CDC14B: variants seen among roughly 807,000 people sequenced by gnomAD.
CDC14B encodes the protein dual specificity protein phosphatase CDC14B.
Under a neutral mutation model 64.2 loss-of-function variants are expected in CDC14B, and 22 were observed. That is an observed-to-expected ratio of 0.34 (90% CI 0.24 to 0.49). The LOEUF is 0.49. Among genes scored for constraint, CDC14B ranks in the 20% least tolerant of loss-of-function variants. CDC14B has a pLI of 0.99. For missense variants in CDC14B, 498 were observed against 629.9 expected (o/e 0.79, Z 2.24); for synonymous variants, 191 against 215.8 (o/e 0.89, Z 1.01).
intron 3 of CDC14B, among the ~76,000 whole-genome samples, chr9:96,564,330 T>A (rs573935547): frequency 4.6e-5 from 7 of 152,200 alleles, no homozygotes; most frequent in African/African-American, 1.7e-4. Context: ...GATCATGTAG[T>A]ACAGTATCAT....
chr9:96,596,077 A>G (rs1020381218), intron 1 of CDC14B, among the ~76,000 whole-genome samples: 5 of 152,114 alleles, frequency 3.3e-5, no homozygotes, highest in Middle Eastern at 3.2e-3. Flanking sequence ...AAAGAAAAGA[A>G]AAAAGGCTGG....
At position 96,619,481 on chromosome 9, in the gene CDC14B, C is replaced by A. The variant is rs1036702016; in HGVS notation, c.-103G>T. 4 of 550,880 alleles carry A rather than the reference C, an allele frequency of 7.3e-6. No individual in the cohort carries two copies. The highest frequency in any genetic ancestry group is 9.2e-6 in the Non-Finnish European group (4 of 436,248). 34.1% of individuals were successfully genotyped at this position (550,880 alleles called of 1,614,324 possible). A position where few individuals can be genotyped will look rare whatever the true frequency, so the allele number is the denominator to read the frequency against. ...CCGCGCGGGCGCTCGGGGCGGCGGG[C>A]GCAGAGCGGCGCTGCGGGGACGGCG... is the stretch of plus-strand genomic sequence containing the variant. On this transcript the variant is annotated 5_prime_UTR_variant, in exon 1 of 14. Transcript: ENST00000375241.
At position 96,607,534 on chromosome 9, in the gene CDC14B, C is replaced by A. The variant is rs1847046839; in HGVS notation, c.160+11685G>T. On this transcript the variant is annotated intron_variant, in intron 1 of 13. Coordinates refer to ENST00000375241, the MANE Select transcript of CDC14B (RefSeq NM_033331.4). The stretch of plus-strand genomic sequence containing the variant: ...TTCCAGGGTTCACGCCATTCTCCTG[C>A]CTCAGCCGCCTGAGTAGCTGGGACT... Among the ~76,000 whole-genome samples the A allele has an allele frequency of 3.3e-5, 5 of 151,516 alleles. No homozygotes were observed. The South Asian group carries it at 6.3e-4, about 19-fold the overall frequency.
chr9:96,544,110 G>C (rs922129416), intron 5 of CDC14B, among the ~76,000 whole-genome samples: 1 of 152,010 alleles, frequency 6.6e-6, no homozygotes, highest in African/African-American at 2.4e-5. Context: ...CCAGCTACCC[G>C]GGAGGCTGAG....
Position 96,589,743 on chromosome 9 carries a change from G to A in CDC14B, c.161-24260C>T, listed in dbSNP as rs886101580. On this transcript the variant is annotated intron_variant, in intron 1 of 13. Transcript: ENST00000375241. ...GGAGACCCAGGCAGGTGGATCATGAGGTCAGGAGATCGAGACCATCCTGGT... is the reference window on the plus strand; with the variant it reads ...GGAGACCCAGGCAGGTGGATCATGAAGTCAGGAGATCGAGACCATCCTGGT... Among the ~76,000 whole-genome samples the A allele has an allele frequency of 3.9e-5, 6 of 152,110 alleles. No homozygotes were observed. In the East Asian group the frequency reaches 1.2e-3, roughly 29 times the overall value.
chr9:96,598,082 G>A (rs972794767), intron 1 of CDC14B, among the ~76,000 whole-genome samples: 2 of 152,014 alleles, frequency 1.3e-5, no homozygotes, highest in Non-Finnish European at 2.9e-5. Flanking sequence ...AAAGGTAAAC[G>A]ACAAAAAGAA....
chr9:96,558,151 G>A (rs901432777), intron 4 of CDC14B, among the ~76,000 whole-genome samples: 1 of 152,186 alleles, frequency 6.6e-6, no homozygotes. Context: ...GGCTGGGAAG[G>A]GCGTGTGTGG....
At chr9:96,507,166 T>C (rs148853349) in intron 13 of CDC14B, among the ~76,000 whole-genome samples, 88 of 152,130 alleles carry the variant, frequency 5.8e-4, no homozygotes, top group African/African-American at 2.1e-3. Context: ...TGGTGGCACA[T>C]GCCACCCACA....
chr9:96,592,797 T>G (rs1232670032), intron 1 of CDC14B, among the ~76,000 whole-genome samples: 2 of 151,976 alleles, frequency 1.3e-5, no homozygotes, highest in Non-Finnish European at 2.9e-5. Context: ...AAAAAACAGG[T>G]TGCTAAACAA....
chr9:96,513,066 G>A (rs1304883578), intron 12 of CDC14B, among the ~76,000 whole-genome samples: 1 of 152,084 alleles, frequency 6.6e-6, no homozygotes, highest in Non-Finnish European at 1.5e-5. Flanking sequence ...AAATCCTGTA[G>A]TCATTCTCAG....
At chr9:96,570,986 C>A (rs1844431301) in intron 1 of CDC14B, among the ~76,000 whole-genome samples, 1 of 151,994 alleles carries the variant, frequency 6.6e-6, no homozygotes, top group Non-Finnish European at 1.5e-5. Context: ...ACAATCTGGA[C>A]CCAGAGATAT....
At chr9:96,569,956 T>G (rs919847708) in intron 1 of CDC14B, among the ~76,000 whole-genome samples, 6 of 152,224 alleles carry the variant, frequency 3.9e-5, no homozygotes, top group African/African-American at 1.4e-4. Context: ...TAAAAATCCA[T>G]GTATCCCCCC....
chr9:96,580,449 T>A (rs72603676), intron 1 of CDC14B, among the ~76,000 whole-genome samples: 4 of 152,142 alleles, frequency 2.6e-5, no homozygotes, highest in African/African-American at 9.6e-5. Flanking sequence ...CAGGCTTGTC[T>A]TGAATTCCCC....
At chr9:96,588,771 G>A (rs1183426101) in intron 1 of CDC14B, among the ~76,000 whole-genome samples, 1 of 152,104 alleles carries the variant, frequency 6.6e-6, no homozygotes, top group Non-Finnish European at 1.5e-5. Flanking sequence ...ATTGCACCCA[G>A]CCAAATTTGT....
At chr9:96,618,779 C>A in intron 1 of CDC14B, 1 of 352,682 alleles carries the variant, frequency 2.8e-6, no homozygotes. Context: ...CCGTGCCAGG[C>A]GCGTTCAGCG....
chr9:96,541,419 GTGAC>G (rs1840049359), intron 6 of CDC14B, among the ~76,000 whole-genome samples: 1 of 152,236 alleles, frequency 6.6e-6, no homozygotes, highest in South Asian at 2.1e-4. Context: ...GTGTTTGACA[GTGAC>G]TGTGTTACGT....
chr9:96,540,279 A>G (rs1839863439), intron 6 of CDC14B, among the ~76,000 whole-genome samples: 1 of 152,238 alleles, frequency 6.6e-6, no homozygotes, highest in Non-Finnish European at 1.5e-5. Context: ...AATATTCAAA[A>G]TCAGTCACAA....
intron 5 of CDC14B, among the ~76,000 whole-genome samples, chr9:96,549,201 T>TG (rs1841434742): frequency 6.6e-6 from 1 of 151,930 alleles, no homozygotes; most frequent in Non-Finnish European, 1.5e-5. Context: ...TTTTTGTGAA[T>TG]AAAATAAATT....
In CDC14B at chr9:96,599,154, C is replaced by T. The variant is rs16911388; in HGVS notation, c.160+20065G>A. On this transcript the variant is annotated intron_variant, in intron 1 of 13. Coordinates refer to ENST00000375241, the MANE Select transcript of CDC14B (RefSeq NM_033331.4). ...CAGCACTTTGGGAGGCCAAGGTGGG[C>T]GGATCACCTGAGGTCAGGAGTTCAA... 4.4e-3 allele frequency among the ~76,000 whole-genome samples: 666 copies of T among 152,074 alleles called. 6 individuals are homozygous for T. Among genetic ancestry groups the T allele is most frequent in the African/African-American group, 0.014 (561 of 41,496 alleles).
Sources: allele counts gnomAD v4.1 joint callset (sites outside exome capture counted in the v4.1 genomes callset), GRCh38; gene constraint gnomAD v4.1.1; transcripts MANE v1.5; gene names NCBI Gene and HGNC (gene_info 2026-07-23, HGNC 2026-07-21).